The following PARVB variants were observed in gnomAD, a reference collection of about 807,000 sequenced individuals.
The protein encoded by PARVB is beta-parvin.
A neutral mutation model predicts 47.0 loss-of-function variants in PARVB; 46 were observed. The observed-to-expected ratio is 0.98, with a 90% confidence interval of 0.77 to 1.25. The LOEUF is 1.25. PARVB is among the 50% of genes most tolerant of loss of function. The pLI, the probability that PARVB is intolerant of heterozygous loss-of-function variation, is 0.00. For synonymous variants in PARVB, 196 were observed against 196.3 expected, an observed-to-expected ratio of 1.00 and a Z score of 0.01; for missense variants, 473 against 471.6, an observed-to-expected ratio of 1.00 and a Z score of -0.03.
At chr22:44,114,674 G>A (rs6006653) in intron 3 of PARVB, 12,328 of 24,110 alleles carry the variant, frequency 0.51, 3,317 homozygotes, top group African/African-American at 0.78. Flanking sequence ...ACACAGATAC[G>A]TTGTTACTAA....
chr22:44,145,175 C>G (rs1018090321), intron 8 of PARVB: 1 of 152,268 alleles, frequency 6.6e-6, no homozygotes, highest in Non-Finnish European at 1.5e-5. Context: ...ACTCACTGCC[C>G]CACTTAGTTC....
intron 1 of PARVB, among the ~76,000 whole-genome samples, chr22:44,065,116 C>T (rs957920734): frequency 6.6e-6 from 1 of 152,054 alleles, no homozygotes; most frequent in East Asian, 1.9e-4. Context: ...ACCCTGGAAA[C>T]TTGGCTTTCT....
intron 1 of PARVB, among the ~76,000 whole-genome samples, chr22:44,041,523 G>A (rs960380406): frequency 6.6e-6 from 1 of 152,004 alleles, no homozygotes; most frequent in Non-Finnish European, 1.5e-5. Flanking sequence ...TTCTTTAGAT[G>A]TTTCTATGTG....
At chr22:44,019,475 C>T (rs576136315), upstream of PARVB, among the ~76,000 whole-genome samples, 2 of 152,350 alleles carry the variant, frequency 1.3e-5, no homozygotes, top group South Asian at 4.1e-4. Context: ...TGGCCTCGGC[C>T]TCTCAAAGTG....
At chr22:44,007,160 G>A (rs983269830) in intron 2 of PARVB, among the ~76,000 whole-genome samples, 17 of 152,148 alleles carry the variant, frequency 1.1e-4, no homozygotes, top group African/African-American at 4.1e-4. Context: ...GCGAGGCTGC[G>A]TTTGCGGGTA....
intron 1 of PARVB, among the ~76,000 whole-genome samples, chr22:44,046,599 T>A (rs1346500328): frequency 2.0e-5 from 3 of 152,184 alleles, no homozygotes; most frequent in Non-Finnish European, 4.4e-5. Flanking sequence ...CCGCTGACAA[T>A]CATTGAGCCT....
intron 1 of PARVB, among the ~76,000 whole-genome samples, chr22:44,043,085 CAT>C (rs1210693766): frequency 6.6e-6 from 1 of 152,192 alleles, no homozygotes; most frequent in African/African-American, 2.4e-5. Flanking sequence ...AAAGGAATGA[CAT>C]ATGGATCCAT....
chr22:44,008,882 G>A (rs1478247609), intron 2 of PARVB, among the ~76,000 whole-genome samples: 3 of 152,044 alleles, frequency 2.0e-5, no homozygotes, highest in East Asian at 1.9e-4. Context: ...CCAGCTACTC[G>A]GGAGGCTGAG....
chr22:44,031,902 G>A (rs1398170212), intron 1 of PARVB, among the ~76,000 whole-genome samples: 1 of 152,024 alleles, frequency 6.6e-6, no homozygotes, highest in African/African-American at 2.4e-5. Context: ...CGAACATGCG[G>A]TTCCATCACA....
At chr22:44,042,335 C>T (rs900275211) in intron 1 of PARVB, among the ~76,000 whole-genome samples, 5 of 152,126 alleles carry the variant, frequency 3.3e-5, no homozygotes, top group African/African-American at 1.2e-4. Context: ...GTGGGAGAAT[C>T]GCTTGAACCC....
At chr22:44,061,665 G>A (rs1027543137) in intron 1 of PARVB, among the ~76,000 whole-genome samples, 1 of 151,714 alleles carries the variant, frequency 6.6e-6, no homozygotes, top group African/African-American at 2.4e-5. Flanking sequence ...CACCCAGGCT[G>A]GAGTGCAGTG....
intron 4 of PARVB, among the ~76,000 whole-genome samples, chr22:44,127,347 T>G (rs530525220): frequency 6.6e-6 from 1 of 152,352 alleles, no homozygotes; most frequent in East Asian, 1.9e-4. Context: ...TGAATGTTGT[T>G]ACACTGAAAT....
intron 1 of PARVB, among the ~76,000 whole-genome samples, chr22:44,030,080 C>T (rs1251030370): frequency 6.6e-6 from 1 of 152,230 alleles, no homozygotes; most frequent in Admixed American, 6.5e-5. Context: ...TACACGGAGC[C>T]ATCAGTTGTG....
At chr22:44,029,824 CACTCGA>C (rs1454051961) in intron 1 of PARVB, among the ~76,000 whole-genome samples, 2 of 152,044 alleles carry the variant, frequency 1.3e-5, no homozygotes, top group African/African-American at 4.8e-5. Flanking sequence ...GCAGGAGAAT[CACTCGA>C]ACCCGGGAAG....
chr22:44,147,457 C>T (rs189519203), intron 8 of PARVB: 12 of 357,096 alleles, frequency 3.4e-5, no homozygotes, highest in Admixed American at 1.5e-4. Context: ...GCCACCGTCG[C>T]GGGGGAAGTG....
intron 4 of PARVB, among the ~76,000 whole-genome samples, 157 bp from the exon 5 acceptor site, chr22:44,131,330 C>T (rs995620223): frequency 1.3e-5 from 2 of 151,758 alleles, no homozygotes; most frequent in Non-Finnish European, 1.5e-5. Flanking sequence ...TTAGTAGAGA[C>T]GGGATTTCAC....
At chr22:44,146,349 TCACA>T (rs372580407) in intron 8 of PARVB, 13 of 104,512 alleles carry the variant, frequency 1.2e-4, no homozygotes, top group South Asian at 3.9e-4. Flanking sequence ...ACACAGGTGC[TCACA>T]CACACACATG....
intron 1 of PARVB, among the ~76,000 whole-genome samples, chr22:44,092,738 A>G (rs1401057851): frequency 1.3e-5 from 2 of 152,216 alleles, no homozygotes; most frequent in Non-Finnish European, 2.9e-5. Flanking sequence ...CAGAGAGGTG[A>G]GTGGGATGTA....
intron 1 of PARVB, among the ~76,000 whole-genome samples, chr22:44,083,133 C>CGGA (rs1357298000): frequency 6.6e-6 from 1 of 152,138 alleles, no homozygotes; most frequent in Non-Finnish European, 1.5e-5. Context: ...TTGTGAAACA[C>CGGA]GACTGCCAGG....
Sources: gnomAD v4.1 joint callset for allele counts (sites outside exome capture counted in the v4.1 genomes callset) on GRCh38, gnomAD v4.1.1 for gene constraint, MANE v1.5 for transcripts, NCBI Gene and HGNC (gene_info 2026-07-23, HGNC 2026-07-21) for gene names.